LOXL2: variants seen among roughly 807,000 people sequenced by gnomAD.
LOXL2 encodes lysyl oxidase homolog 2.
A neutral mutation model predicts 93.0 loss-of-function variants in LOXL2; 70 were observed. That is an observed-to-expected ratio of 0.75 (90% CI 0.62 to 0.92). The LOEUF is 0.92. LOXL2 is among the 40% of genes least tolerant of loss of function. The probability of loss-of-function intolerance (pLI) is 0.00; values close to 1 mark genes in which losing one functional copy is unlikely to be tolerated. For synonymous variants in LOXL2, 438 were observed against 413.2 expected (o/e 1.06, Z -0.73); for missense variants, 973 against 1,054.9 (o/e 0.92, Z 1.08).
intron 1 of LOXL2, among the ~76,000 whole-genome samples, chr8:23,402,273 GCA>G (rs1168219890): frequency 1.3e-5 from 2 of 151,942 alleles, no homozygotes; most frequent in Non-Finnish European, 2.9e-5. Flanking sequence ...ACACACACAT[GCA>G]CACATACATG....
In LOXL2 at chr8:23,360,230, T is replaced by C. The variant is rs776199874; in HGVS notation, c.391A>G (p.Asn131Asp). Residue 131 changes from asparagine (N) to aspartate (D), a missense_variant, in exon 3 of 14, where the codon AAC becomes GAC. By Grantham distance (23) the Asn-to-Asp change is conservative. Coordinates refer to ENST00000389131, the MANE Select transcript of LOXL2 (RefSeq NM_002318.3). The stretch of plus-strand genomic sequence containing the variant: ...GTGCATGCTGCAAGGGTCGCCTCGT[T>C]GCCAGTACAGTGGAGATTGTCTAAC... The part of the protein sequence containing the change: ...IWLDNLHCTG[N>D]EATLAACTSN... 1 of 1,613,818 alleles carries C rather than the reference T, an allele frequency of 6.2e-7. No homozygotes were observed. Among genetic ancestry groups the C allele is most frequent in the East Asian group, 2.2e-5 (1 of 44,874 alleles).
At chr8:23,365,413 G>C (rs1485063826) in intron 2 of LOXL2, 1 of 152,092 alleles carries the variant, frequency 6.6e-6, no homozygotes, top group Non-Finnish European at 1.5e-5. Context: ...ACTGATGCTG[G>C]TGAAATTCAA....
At chr8:23,365,897 A>C (rs1181883329) in intron 2 of LOXL2, 2 of 152,250 alleles carry the variant, frequency 1.3e-5, no homozygotes, top group African/African-American at 4.8e-5. Flanking sequence ...CTCCTTACCC[A>C]GCACAGTCTC....
At chr8:23,388,542 C>CT (rs370048602) in intron 1 of LOXL2, among the ~76,000 whole-genome samples, 1 of 151,362 alleles carries the variant, frequency 6.6e-6, no homozygotes, top group African/African-American at 2.4e-5. Context: ...AGTGACTGTG[C>CT]CACTGCACTC....
intron 1 of LOXL2, among the ~76,000 whole-genome samples, chr8:23,393,727 C>G (rs768252439): frequency 1.3e-5 from 2 of 150,716 alleles, no homozygotes; most frequent in Admixed American, 1.3e-4. Context: ...TTCTGCACAT[C>G]AAAAAAAAAT....
intron 6 of LOXL2, among the ~76,000 whole-genome samples, chr8:23,327,692 C>T (rs936059658): frequency 5.3e-5 from 8 of 152,186 alleles, no homozygotes; most frequent in South Asian, 2.1e-4. Context: ...GACCAAGGCT[C>T]GCAAGGATAA....
chr8:23,303,357 G>T lies in LOXL2; in HGVS notation c.1921C>A (p.Leu641Met). The T allele has an allele frequency of 6.2e-7, 1 of 1,613,390 alleles. No individual in the cohort carries two copies. The highest frequency in any genetic ancestry group is 8.5e-7 in the Non-Finnish European group (1 of 1,179,554). The change falls in exon 11 of 14, where the codon CTG becomes ATG. Residue 641 changes from leucine to methionine, a missense_variant. Physicochemically the swap from Leu to Met is conservative, Grantham distance 15. Coordinates refer to ENST00000389131, the MANE Select transcript of LOXL2 (RefSeq NM_002318.3). ...GCCACCTTGGTGCCATTGAGGTTCA[G>T]CAGGTCATAGTGGGTGAACACCTCC... ...SMEVFTHYDL[L>M]NLNGTKVAEG...
chr8:23,318,518 C>T (rs574144012), intron 8 of LOXL2, among the ~76,000 whole-genome samples: 1 of 151,910 alleles, frequency 6.6e-6, no homozygotes, highest in African/African-American at 2.4e-5. Flanking sequence ...TTGACCAATA[C>T]CCACCTCCAT....
chr8:23,399,517 G>A (rs749535532), intron 1 of LOXL2, among the ~76,000 whole-genome samples: 10 of 152,170 alleles, frequency 6.6e-5, no homozygotes, highest in Non-Finnish European at 1.3e-4. Flanking sequence ...AAGAGGAAAA[G>A]AGACTTGAGC....
chr8:23,369,051 G>A (rs1273578309), intron 1 of LOXL2, among the ~76,000 whole-genome samples: 2 of 152,200 alleles, frequency 1.3e-5, no homozygotes, highest in Admixed American at 6.5e-5. Context: ...AGCCCGTGTG[G>A]GACAGCCTCC....
chr8:23,328,699 T>G, intron 5 of LOXL2, 134 bp from the exon 6 acceptor site: 1 of 664,622 alleles, frequency 1.5e-6, no homozygotes, highest in South Asian at 1.7e-5. Context: ...CAACTATGCT[T>G]GATGTATGGA....
At chr8:23,323,246 G>A (rs1803525684) in intron 6 of LOXL2, among the ~76,000 whole-genome samples, 1 of 152,246 alleles carries the variant, frequency 6.6e-6, no homozygotes, top group East Asian at 1.9e-4. Flanking sequence ...ATCCTAATCA[G>A]AGCCCAGGAA....
intron 5 of LOXL2, among the ~76,000 whole-genome samples, chr8:23,333,039 C>T (rs563486270): frequency 6.6e-6 from 1 of 152,124 alleles, no homozygotes; most frequent in African/African-American, 2.4e-5. Flanking sequence ...CAAAATAAAC[C>T]AAACATGCTT....
intron 2 of LOXL2, chr8:23,363,031 A>G (rs1402845116): frequency 2.0e-5 from 3 of 152,178 alleles, no homozygotes; most frequent in African/African-American, 7.2e-5. Flanking sequence ...AAGGCAAAAT[A>G]ATGATGCTGA....
chr8:23,328,004 C>T (rs960713437), intron 6 of LOXL2, among the ~76,000 whole-genome samples: 2 of 151,934 alleles, frequency 1.3e-5, no homozygotes, highest in African/African-American at 4.8e-5. Flanking sequence ...GTGGTTCAGT[C>T]TGGTGAACTC....
intron 10 of LOXL2, among the ~76,000 whole-genome samples, chr8:23,308,800 G>A (rs1217417690): frequency 6.6e-6 from 1 of 152,090 alleles, no homozygotes; most frequent in Non-Finnish European, 1.5e-5. Context: ...TGACAGAGCT[G>A]GAAGGGACAG....
rs1255589959 is a variant in LOXL2 at position 23,341,012 on chromosome 8, T to G, written c.723A>C (p.Thr241=). Residue 241 remains threonine, a synonymous_variant, in exon 4 of 14, where the codon ACA becomes ACC. Coordinates refer to ENST00000389131, the MANE Select transcript of LOXL2 (RefSeq NM_002318.3). Reference sequence around the variant, plus strand: ...CTTACTTGTACACTTTGGTATTGTATGTCCTCTCCCCAGGGAAGCCAAACA... The same window carrying G: ...CTTACTTGTACACTTTGGTATTGTAGGTCCTCTCCCCAGGGAAGCCAAACA... The part of the protein sequence containing the change: ...CGMFGFPGER[T]YNTKVYKMFA... 7 of 1,614,180 alleles carry G rather than the reference T, an allele frequency of 4.3e-6. No individual in the cohort carries two copies. In the South Asian group the frequency reaches 7.7e-5, roughly 18 times the overall value.
At chr8:23,299,711 T>TC (rs1803096394) in intron 12 of LOXL2, among the ~76,000 whole-genome samples, 1 of 152,116 alleles carries the variant, frequency 6.6e-6, no homozygotes, top group East Asian at 1.9e-4. Context: ...TGACAGGCCT[T>TC]CCCTCGAGGG....
intron 1 of LOXL2, among the ~76,000 whole-genome samples, chr8:23,384,244 A>G (rs1483379078): frequency 6.6e-6 from 1 of 152,216 alleles, no homozygotes; most frequent in African/African-American, 2.4e-5. Context: ...GGAGGTGCAG[A>G]GCAAGGCATG....
Sources: gnomAD v4.1 joint callset for allele counts (sites outside exome capture counted in the v4.1 genomes callset) on GRCh38, gnomAD v4.1.1 for gene constraint, MANE v1.5 for transcripts, NCBI Gene and HGNC (gene_info 2026-07-23, HGNC 2026-07-21) for gene names.